CMSS1: variants seen among roughly 807,000 people sequenced by gnomAD.
CMSS1 encodes cms1 ribosomal small subunit homolog.
CMSS1 carries 33 observed loss-of-function variants against 43.5 expected under a neutral mutation model. That is an observed-to-expected ratio of 0.76 (90% confidence interval 0.57 to 1.01). CMSS1 has a LOEUF of 1.01. Ranked by LOEUF, CMSS1 falls within the 50% of genes least tolerant of loss-of-function variation. The pLI, the probability that CMSS1 is intolerant of heterozygous loss-of-function variation, is 0.00. For missense variants in CMSS1, 313 were observed against 326.4 expected (o/e 0.96, Z 0.32); for synonymous variants, 115 against 117.2 (o/e 0.98, Z 0.12).
intron 1 of CMSS1, chr3:100,075,617 C>G (rs2107387257): frequency 6.8e-6 from 1 of 146,598 alleles, no homozygotes; most frequent in South Asian, 2.1e-4. Context: ...ACTCTGTTTT[C>G]TTTTATCTTC....
At chr3:100,136,383 C>G (rs2066753343) in intron 1 of CMSS1, among the ~76,000 whole-genome samples, 1 of 152,152 alleles carries the variant, frequency 6.6e-6, no homozygotes, top group African/African-American at 2.4e-5. Context: ...GGACCTGGAC[C>G]CCAGGACTGC....
chr3:100,051,844 T>C (rs1466414369), intron 1 of CMSS1, among the ~76,000 whole-genome samples: 1 of 149,006 alleles, frequency 6.7e-6, no homozygotes, highest in Non-Finnish European at 1.5e-5. Context: ...TTATTATATA[T>C]ATTTTTTATA....
At chr3:100,118,243 CT>C (rs1559763444) in intron 1 of CMSS1, among the ~76,000 whole-genome samples, 1 of 151,760 alleles carries the variant, frequency 6.6e-6, no homozygotes, top group Non-Finnish European at 1.5e-5. Context: ...GTAATATGTT[CT>C]GTGTATTTAC....
chr3:100,060,052 G>A (rs567052454), intron 1 of CMSS1, among the ~76,000 whole-genome samples: 24 of 151,828 alleles, frequency 1.6e-4, no homozygotes, highest in Non-Finnish European at 3.2e-4. Context: ...GGGAAATGGG[G>A]GCGGGGGGAA....
intron 1 of CMSS1, among the ~76,000 whole-genome samples, chr3:100,083,472 C>T (rs968812608): frequency 6.6e-6 from 1 of 152,198 alleles, no homozygotes; most frequent in Non-Finnish European, 1.5e-5. Context: ...GCAAGCTCTC[C>T]GTCTGATTCT....
intron 1 of CMSS1, among the ~76,000 whole-genome samples, chr3:100,065,911 T>C (rs1200598385): frequency 6.6e-6 from 1 of 152,248 alleles, no homozygotes. Context: ...ATCAACAGCA[T>C]CACCTGGGGA....
intron 1 of CMSS1, among the ~76,000 whole-genome samples, chr3:99,998,882 T>C (rs1181431350): frequency 6.7e-6 from 1 of 148,704 alleles, no homozygotes; most frequent in African/African-American, 2.5e-5. Flanking sequence ...GTTCTTAAAC[T>C]CTAACCTAAT....
chr3:100,147,788 A>T (rs1183746879), intron 2 of CMSS1, among the ~76,000 whole-genome samples: 2 of 152,172 alleles, frequency 1.3e-5, no homozygotes, highest in Non-Finnish European at 2.9e-5. Context: ...TCTGCCCAGA[A>T]TTATGGTCTG....
intron 1 of CMSS1, among the ~76,000 whole-genome samples, chr3:99,945,278 C>T (rs371817066): frequency 6.6e-6 from 1 of 152,214 alleles, no homozygotes. Context: ...CGAAGGAGTG[C>T]TTTCCCCATA....
intron 1 of CMSS1, among the ~76,000 whole-genome samples, chr3:99,843,697 T>C (rs1417795199): frequency 6.6e-6 from 1 of 152,142 alleles, no homozygotes; most frequent in Non-Finnish European, 1.5e-5. Flanking sequence ...TGGGCAAAAT[T>C]GTCTAGCAAC....
rs750330461 is a variant in CMSS1, at chr3:100,172,324, G to A, written c.588G>A (p.Ala196=). ...CTTTCATCTTGGAACAGGTCCAGGC[G>A]CAGGTAAAGTTGCTGGAGAAGCGTG... ...KLFAKHIKVQ[A]QVKLLEKRVV... is the part of the protein sequence containing the mutation. The change falls in exon 8 of 10, where the codon GCG becomes GCA. Residue 196 remains alanine (A), a synonymous_variant. Coordinates refer to ENST00000421999, the MANE Select transcript of CMSS1 (RefSeq NM_032359.4). The A allele has an allele frequency of 2.0e-5, 33 of 1,613,464 alleles. No homozygotes were observed. The highest frequency in any genetic ancestry group is 6.6e-5 in the South Asian group (6 of 91,064).
chr3:99,992,503 A>G (rs1475072502), intron 1 of CMSS1, among the ~76,000 whole-genome samples: 4 of 151,860 alleles, frequency 2.6e-5, no homozygotes, highest in Non-Finnish European at 5.9e-5. Flanking sequence ...CTACTTTTAA[A>G]TGGGGTTATT....
At chr3:99,995,468 C>G (rs572266079) in intron 1 of CMSS1, among the ~76,000 whole-genome samples, 3 of 152,182 alleles carry the variant, frequency 2.0e-5, no homozygotes, top group Non-Finnish European at 4.4e-5. Context: ...GAGCATGGTG[C>G]AAGCTGTTGG....
intron 1 of CMSS1, among the ~76,000 whole-genome samples, chr3:99,903,690 A>G (rs2107630194): frequency 6.6e-6 from 1 of 152,264 alleles, no homozygotes; most frequent in Non-Finnish European, 1.5e-5. Context: ...TTGCATCTTA[A>G]CAGGACCCTA....
intron 4 of CMSS1, among the ~76,000 whole-genome samples, chr3:100,165,346 A>G (rs2067057470): frequency 6.6e-6 from 1 of 151,938 alleles, no homozygotes; most frequent in African/African-American, 2.4e-5. Flanking sequence ...TTTTTATTGT[A>G]TTGTTATGTT....
rs912558106 is a variant in CMSS1 at position 100,071,244 on chromosome 3, C to G, written c.65-75729C>G. ...TTTTATCCTGATTTTCTCTTACTCA[C>G]TTCATCTCCTGAGAGCTGAATTTGC... On this transcript the variant is annotated intron_variant, in intron 1 of 9. Transcript: ENST00000421999. Among the ~76,000 whole-genome samples, 12 of 152,076 alleles carry G rather than the reference C, an allele frequency of 7.9e-5. No homozygotes were observed. In the South Asian group the frequency reaches 8.3e-4, roughly 10 times the overall value.
intron 1 of CMSS1, among the ~76,000 whole-genome samples, chr3:100,070,351 CTGTT>C (rs914015290): frequency 3.9e-5 from 6 of 152,010 alleles, no homozygotes; most frequent in South Asian, 4.1e-4. Flanking sequence ...TCTGAAATGA[CTGTT>C]TGATCTCTTC....
intron 1 of CMSS1, among the ~76,000 whole-genome samples, chr3:100,020,920 A>G (rs2064803486): frequency 4.6e-5 from 7 of 152,106 alleles, no homozygotes; most frequent in Admixed American, 4.6e-4. Context: ...GGCATGCGCC[A>G]TCATGCCCAG....
intron 1 of CMSS1, among the ~76,000 whole-genome samples, chr3:100,072,817 T>A (rs1355800621): frequency 1.3e-5 from 2 of 152,154 alleles, no homozygotes; most frequent in African/African-American, 4.8e-5. Flanking sequence ...TAGGGACTCA[T>A]GAGTCACTTC....
Sources: gnomAD v4.1 joint callset for allele counts (sites outside exome capture counted in the v4.1 genomes callset) on GRCh38, gnomAD v4.1.1 for gene constraint, MANE v1.5 for transcripts, NCBI Gene and HGNC (gene_info 2026-07-23, HGNC 2026-07-21) for gene names.